MYRFL: variants seen among roughly 807,000 people sequenced by gnomAD.
MYRFL encodes myelin regulatory factor-like protein.
A neutral mutation model predicts 109.4 loss-of-function variants in MYRFL; 88 were observed. That is an observed-to-expected ratio of 0.80 (90% CI 0.68 to 0.96). MYRFL has a LOEUF of 0.96. Among genes scored for constraint, MYRFL ranks in the 40% least tolerant of loss-of-function variants. MYRFL has a pLI of 0.00. For missense variants in MYRFL, 957 were observed against 954.9 expected (o/e 1.00, Z -0.03); for synonymous variants, 324 against 320.9 (o/e 1.01, Z -0.10).
At chr12:69,877,048 G>T (rs1045461687) in intron 2 of MYRFL, among the ~76,000 whole-genome samples, 10 of 51,204 alleles carry the variant, frequency 2.0e-4, no homozygotes, top group African/African-American at 6.2e-4. Flanking sequence ...TTTTGAGACG[G>T]AGTCTCGCTC....
chr12:69,862,631 A>G (rs1287366161), intron 2 of MYRFL, among the ~76,000 whole-genome samples: 2 of 151,770 alleles, frequency 1.3e-5, no homozygotes, highest in East Asian at 3.9e-4. Flanking sequence ...GTTGCTTATC[A>G]GCTTAAGGAG....
At chr12:69,854,650 T>G (rs967084623) in intron 1 of MYRFL, among the ~76,000 whole-genome samples, 1 of 152,198 alleles carries the variant, frequency 6.6e-6, no homozygotes, top group African/African-American at 2.4e-5. Context: ...CCTCCCAAAG[T>G]GCTGGGATTA....
chr12:69,910,092 TC>T lies in MYRFL; in HGVS notation c.1492+19del. 6.8e-7 allele frequency: 1 copy of T among 1,473,010 alleles called. No homozygotes were observed. The highest frequency in any genetic ancestry group is 9.0e-7 in the Non-Finnish European group (1 of 1,112,216). 91.2% of individuals were successfully genotyped at this position (1,473,010 alleles called of 1,614,324 possible). ...CCATCAAACAGGTACACACACAAAT[TC>T]CCCTTTTAATTTTGTATTGCCAACT... On this transcript the variant is annotated intron_variant, in intron 12 of 24. Coordinates refer to ENST00000552032, the MANE Select transcript of MYRFL (RefSeq NM_182530.3).
chr12:69,906,576 T>C (rs1048318248), intron 11 of MYRFL, among the ~76,000 whole-genome samples: 3 of 151,338 alleles, frequency 2.0e-5, no homozygotes, highest in Non-Finnish European at 4.4e-5. Flanking sequence ...GAAAAGGGAA[T>C]CGTTAAGATG....
intron 1 of MYRFL, among the ~76,000 whole-genome samples, chr12:69,853,198 G>C (rs1240247): frequency 0.25 from 37,544 of 151,098 alleles, 5,421 homozygotes; most frequent in Middle Eastern, 0.39. Flanking sequence ...GGACGGGGCA[G>C]CTGCCGGGCA....
chr12:69,856,818 T>G (rs934496913), intron 2 of MYRFL, among the ~76,000 whole-genome samples: 1 of 152,004 alleles, frequency 6.6e-6, no homozygotes, highest in Non-Finnish European at 1.5e-5. Flanking sequence ...ATGTTATTCA[T>G]GAATATTTTC....
intron 2 of MYRFL, among the ~76,000 whole-genome samples, chr12:69,862,792 T>C (rs925370374): frequency 2.0e-5 from 3 of 152,204 alleles, no homozygotes; most frequent in Admixed American, 6.5e-5. Flanking sequence ...CTACGTTGAA[T>C]AGGAGTGGTG....
At chr12:69,839,007 T>C (rs1223472159) in intron 1 of MYRFL, among the ~76,000 whole-genome samples, 2 of 152,184 alleles carry the variant, frequency 1.3e-5, no homozygotes, top group Non-Finnish European at 2.9e-5. Context: ...CCAGCAGTCA[T>C]TTATTCTTTA....
intron 19 of MYRFL, among the ~76,000 whole-genome samples, chr12:69,937,095 T>C (rs1955492635): frequency 1.3e-5 from 2 of 152,092 alleles, no homozygotes; most frequent in African/African-American, 2.4e-5. Context: ...CATTCCACTT[T>C]CAGAATAACT....
intron 19 of MYRFL, among the ~76,000 whole-genome samples, chr12:69,949,074 T>C (rs1955908660): frequency 6.6e-6 from 1 of 152,164 alleles, no homozygotes; most frequent in African/African-American, 2.4e-5. Flanking sequence ...CAGGATGTAG[T>C]CTTCAAGGAG....
At chr12:69,904,700 C>A (rs887696177) in intron 11 of MYRFL, among the ~76,000 whole-genome samples, 1 of 152,204 alleles carries the variant, frequency 6.6e-6, no homozygotes, top group African/African-American at 2.4e-5. Flanking sequence ...ACACCTCATT[C>A]CAACTTTTCT....
intron 1 of MYRFL, among the ~76,000 whole-genome samples, chr12:69,846,641 A>G (rs1883567701): frequency 6.6e-6 from 1 of 152,162 alleles, no homozygotes; most frequent in African/African-American, 2.4e-5. Context: ...TATTGCGAAT[A>G]GTGCCGCAAT....
chr12:69,931,413 A>C lies in MYRFL; in HGVS notation c.1831-1100A>C, dbSNP rs533637754. On this transcript the variant is annotated intron_variant, in intron 15 of 24. Transcript: ENST00000552032. Reference sequence around the variant, plus strand: ...AGCTGTACTTACAGATGACTCAGTTACAATAGCCCTAAGGGTCTGTGTACT... The same window carrying C: ...AGCTGTACTTACAGATGACTCAGTTCCAATAGCCCTAAGGGTCTGTGTACT... 3.3e-5 allele frequency among the ~76,000 whole-genome samples: 5 copies of C among 152,316 alleles called. No individual in the cohort carries two copies. In the East Asian group the frequency reaches 9.6e-4, roughly 29 times the overall value.
chr12:69,915,544 G>C (rs543116642), intron 13 of MYRFL, among the ~76,000 whole-genome samples: 148 of 152,246 alleles, frequency 9.7e-4, no homozygotes, highest in Middle Eastern at 3.4e-3. Context: ...GCAACCAAAG[G>C]GGGTGATCGT....
chr12:69,948,901 T>C lies in MYRFL; in HGVS notation c.2225-3212T>C, dbSNP rs1955903808. ...CCCTCTGCACCCTTCCCCTGGGAAC[T>C]TTCCCTGTGAATGTGTAAGAGGAAA... is the stretch of plus-strand genomic sequence containing the variant. On this transcript the variant is annotated intron_variant, in intron 19 of 24. Coordinates refer to ENST00000552032, the MANE Select transcript of MYRFL (RefSeq NM_182530.3). 2.0e-5 allele frequency among the ~76,000 whole-genome samples: 3 copies of C among 152,172 alleles called. No homozygotes were observed. The South Asian group carries it at 6.2e-4, about 32-fold the overall frequency.
rs182835529 is a variant in MYRFL, at chr12:69,854,217, T to C, written c.47-1063T>C. 9.0e-3 allele frequency among the ~76,000 whole-genome samples: 1,370 copies of C among 151,978 alleles called. 22 individuals are homozygous for C. The highest frequency in any genetic ancestry group is 0.031 in the African/African-American group (1,289 of 41,470). Reference sequence around the variant, plus strand: ...AAAACCAGTCAGGCGTGGCGGCGCGTGCCTGCAATCTCAGGCACTCGGCAG... The same window carrying C: ...AAAACCAGTCAGGCGTGGCGGCGCGCGCCTGCAATCTCAGGCACTCGGCAG... On this transcript the variant is annotated intron_variant, in intron 1 of 24. Transcript: ENST00000552032.
intron 19 of MYRFL, among the ~76,000 whole-genome samples, chr12:69,939,653 AAC>A (rs1336408323): frequency 6.6e-6 from 1 of 152,228 alleles, no homozygotes; most frequent in Non-Finnish European, 1.5e-5. Context: ...CCTCCAAAGG[AAC>A]ACAGTTCCTC....
Position 69,891,637 on chromosome 12 carries a change from T to TTCTCTTTC in MYRFL, c.903+472_903+473insCTCTTTCT. Among the ~76,000 whole-genome samples, 132 of 53,832 alleles carry TTCTCTTTC rather than the reference T, an allele frequency of 2.5e-3. 12 individuals carry two copies. The highest frequency in any genetic ancestry group is 0.021 in the Middle Eastern group (2 of 94). 35.3% of individuals were successfully genotyped at this position (53,832 alleles called of 152,430 possible). ...TTTCTTTCTTTCCTCCTTCCTTTCT[T>TTCTCTTTC]TTTCTTTCTTTCTTTCTTTCTTTCT... On this transcript the variant is annotated intron_variant, in intron 7 of 24. Transcript: ENST00000552032.
chr12:69,905,440 T>A (rs1298606697), intron 11 of MYRFL, among the ~76,000 whole-genome samples: 1 of 152,198 alleles, frequency 6.6e-6, no homozygotes, highest in African/African-American at 2.4e-5. Context: ...AATGTGAAAT[T>A]TCTGTATCCC....
Sources: allele counts gnomAD v4.1 joint callset (sites outside exome capture counted in the v4.1 genomes callset), GRCh38; gene constraint gnomAD v4.1.1; transcripts MANE v1.5; gene names NCBI Gene and HGNC (gene_info 2026-07-23, HGNC 2026-07-21).